The following CEP85 variants were observed in gnomAD, a reference collection of about 807,000 sequenced individuals.
The protein encoded by CEP85 is centrosomal protein 85.
A neutral mutation model predicts 93.7 loss-of-function variants in CEP85; 58 were observed. The observed-to-expected ratio is 0.62, with a 90% CI of 0.50 to 0.77. The LOEUF (loss-of-function observed/expected upper bound fraction) is 0.77, where lower values mean the gene tolerates loss of function less well. Among genes scored for constraint, CEP85 ranks in the 30% least tolerant of loss-of-function variants. The pLI is 0.00. For synonymous variants in CEP85, 314 were observed against 338.6 expected, an observed-to-expected ratio of 0.93 and a Z score of 0.80; for missense variants, 868 against 922.0, an observed-to-expected ratio of 0.94 and a Z score of 0.76.
At chr1:26,240,012 A>C (rs1197086255) in intron 2 of CEP85, among the ~76,000 whole-genome samples, 174 bp downstream of exon 2, 1 of 152,226 alleles carries the variant, frequency 6.6e-6, no homozygotes, top group African/African-American at 2.4e-5. Flanking sequence ...ACAAGTATTT[A>C]TCTCTTGTGC....
rs2089392542 is a variant in CEP85, at chr1:26,239,806, C to T, written c.23C>T (p.Pro8Leu). The change falls in exon 2 of 14, where the codon CCA (proline) becomes CTA (leucine). Residue 8 changes from proline to leucine, a missense_variant. Coordinates refer to ENST00000451429, the MANE Select transcript of CEP85 (RefSeq NM_001319944.2). Reference sequence around the variant, plus strand: ...TTGATGGCCATGCAGGAGAAATATCCAACTGAGGGGATCTCTCACGTCACT... The same window carrying T: ...TTGATGGCCATGCAGGAGAAATATCTAACTGAGGGGATCTCTCACGTCACT... MAMQEKY[P>L]TEGISHVTSP... 1 of 1,613,614 alleles carries T rather than the reference C, an allele frequency of 6.2e-7. No homozygotes were observed. The highest frequency in any genetic ancestry group is 8.5e-7 in the Non-Finnish European group (1 of 1,179,612).
In CEP85 at chr1:26,278,592, A is replaced by AG. The variant is rs1440896693; in HGVS notation, c.*1300dup. ...GGAGTGACTTATCCCTTCCATTCAG[A>AG]GCAGCCCCACCCAGCCAGCCCTTCA... On this transcript the variant is annotated 3_prime_UTR_variant, in exon 14 of 14. Coordinates refer to ENST00000451429, the MANE Select transcript of CEP85 (RefSeq NM_001319944.2). 1 of 152,632 alleles carries AG rather than the reference A, an allele frequency of 6.6e-6. No homozygotes were observed. Among genetic ancestry groups the AG allele is most frequent in the East Asian group, 1.9e-4 (1 of 5,194 alleles). 9.5% of individuals were successfully genotyped at this position (152,632 alleles called of 1,614,324 possible).
rs368381610 is a variant in CEP85 at position 26,244,237 on chromosome 1, C to T, written c.127C>T (p.Arg43Trp). 34 of 1,613,712 alleles carry T rather than the reference C, an allele frequency of 2.1e-5. No individual in the cohort carries two copies. The highest frequency in any genetic ancestry group is 1.1e-4 in the East Asian group (5 of 44,876). ...GACCCCAGTTATCTCGGAGCCCTTT[C>T]GGAGCCGCTTCAGCCGCTGTTCAAG... ...WQTPVISEPF[R>W]SRFSRCSSVA... is the part of the protein sequence containing the mutation. The change falls in exon 3 of 14, where the codon CGG becomes TGG. Residue 43 changes from arginine (R) to tryptophan (W), a missense_variant. Coordinates refer to ENST00000451429, the MANE Select transcript of CEP85 (RefSeq NM_001319944.2).
intron 3 of CEP85, among the ~76,000 whole-genome samples, chr1:26,251,073 G>C (rs1046381542): frequency 4.7e-5 from 7 of 150,450 alleles, no homozygotes; most frequent in African/African-American, 1.7e-4. Flanking sequence ...CTCCCGAGTA[G>C]CTGGGATTAC....
intron 7 of CEP85, among the ~76,000 whole-genome samples, chr1:26,261,285 C>A (rs946501156): frequency 6.6e-6 from 1 of 151,596 alleles, no homozygotes; most frequent in African/African-American, 2.4e-5. Flanking sequence ...CCAGCCTGAC[C>A]AACATGGAGA....
chr1:26,259,373 G>A (rs2089771374), intron 6 of CEP85, among the ~76,000 whole-genome samples: 2 of 152,148 alleles, frequency 1.3e-5, no homozygotes, highest in Admixed American at 1.3e-4. Flanking sequence ...ACAGATTATT[G>A]GGACCCATCC....
At chr1:26,272,612 A>G (rs942590960) in intron 11 of CEP85, among the ~76,000 whole-genome samples, 4 of 142,584 alleles carry the variant, frequency 2.8e-5, no homozygotes, top group African/African-American at 8.1e-5. Flanking sequence ...GGCATCTATT[A>G]CAGCATTTTT....
At chr1:26,268,669 C>T in intron 8 of CEP85, 34 bp downstream of exon 8, 1 of 1,563,166 alleles carries the variant, frequency 6.4e-7, no homozygotes, top group Non-Finnish European at 8.6e-7. Context: ...CTGGGGTGAT[C>T]AGGGAGTGGC....
Position 26,276,622 on chromosome 1 carries a change from C to T in CEP85, c.1990C>T (p.Pro664Ser). 6.2e-7 allele frequency: 1 copy of T among 1,614,236 alleles called. No individual in the cohort carries two copies. Among genetic ancestry groups the T allele is most frequent in the Non-Finnish European group, 8.5e-7 (1 of 1,180,034 alleles). Residue 664 changes from proline (P) to serine (S), a missense_variant, in exon 13 of 14, where the codon CCA becomes TCA. Pro to Ser is a moderately conservative substitution (Grantham distance 74). Coordinates refer to ENST00000451429, the MANE Select transcript of CEP85 (RefSeq NM_001319944.2). Reference sequence around the variant, plus strand: ...GGCCCAACCAGGGTCTCCACCTTCACCAGACACGGCCCAGCTGGCACTTGA... The same window carrying T: ...GGCCCAACCAGGGTCTCCACCTTCATCAGACACGGCCCAGCTGGCACTTGA... ...RQAQPGSPPS[P>S]DTAQLALELH...
In CEP85 at chr1:26,268,534, G is replaced by C. The variant is rs1348946419; in HGVS notation, c.1393G>C (p.Glu465Gln). ...INNLKKKCQKESEQNREKQQR... is the reference protein window; with the variant it reads ...INNLKKKCQKQSEQNREKQQR... ...TAATTTGAAAAAGAAATGCCAGAAG[G>C]AATCAGAGCAGAACCGGGAGAAGCA... Residue 465 changes from glutamate to glutamine, a missense_variant, in exon 8 of 14, where the codon GAA becomes CAA. Glu to Gln is a conservative substitution (Grantham distance 29, BLOSUM62 2). Coordinates refer to ENST00000451429, the MANE Select transcript of CEP85 (RefSeq NM_001319944.2). The C allele has an allele frequency of 1.2e-6, 2 of 1,614,090 alleles. No homozygotes were observed. The highest frequency in any genetic ancestry group is 1.7e-5 in the Admixed American group (1 of 60,010).
At chr1:26,272,158 TGCAG>T in intron 11 of CEP85, 87 bp downstream of exon 11, 1 of 1,345,062 alleles carries the variant, frequency 7.4e-7, no homozygotes, top group South Asian at 1.2e-5. Flanking sequence ...TTCTCTGCCA[TGCAG>T]GTTGCTCAGT....
intron 2 of CEP85, 92 bp from the exon 3 acceptor site, chr1:26,244,074 T>G: frequency 1.7e-6 from 2 of 1,179,022 alleles, no homozygotes; most frequent in East Asian, 2.6e-5. Context: ...GTTGCTGCTA[T>G]TCTCTTAGGT....
intron 2 of CEP85, among the ~76,000 whole-genome samples, chr1:26,241,244 A>ATTTTTTTTTTTTTTTTTTTT (rs71004567): frequency 9.2e-6 from 1 of 109,286 alleles, no homozygotes; most frequent in Non-Finnish European, 1.8e-5. Context: ...ATTCAGCAGA[A>ATTTTTTTTTTTTTTTTTTTT]TTTTTTTTTT....
intron 9 of CEP85, among the ~76,000 whole-genome samples, chr1:26,270,215 A>G (rs762884082): frequency 8.5e-5 from 13 of 152,172 alleles, no homozygotes; most frequent in Non-Finnish European, 1.6e-4. Flanking sequence ...CACTTTGTAA[A>G]CTGGGAAATG....
chr1:26,259,706 ACTCT>A lies in CEP85; in HGVS notation c.1248_1251del (p.Ser417LeufsTer24). 6.2e-7 allele frequency: 1 copy of A among 1,614,084 alleles called. No individual in the cohort carries two copies. The highest frequency in any genetic ancestry group is 1.3e-5 in the African/African-American group (1 of 75,030). ...GAGAAAAGATTGACCTTGAAAAGAA[ACTCT>A]CTGCTTCTGAAGTTGAAGTCCAGCT... On this transcript the variant is annotated frameshift_variant, in exon 7 of 14. Coordinates refer to ENST00000451429, the MANE Select transcript of CEP85 (RefSeq NM_001319944.2). LOFTEE classifies it high-confidence loss of function.
rs200013295 is a variant in CEP85, at chr1:26,260,794, C to CT, written c.1341+1006dup. On this transcript the variant is annotated intron_variant, in intron 7 of 13. Coordinates refer to ENST00000451429, the MANE Select transcript of CEP85 (RefSeq NM_001319944.2). ...GGAGGAAGCCTGAGATCCTGCCTTT[C>CT]TTTTTTTTTTTTTTGAGATGGAATT... Among the ~76,000 whole-genome samples the CT allele has an allele frequency of 6.3e-3, 884 of 141,342 alleles. 2 individuals carry two copies. Among genetic ancestry groups the CT allele is most frequent in the East Asian group, 0.017 (83 of 4,862 alleles). The allele number at this position is 141,342 out of a possible 152,430, so 92.7% of individuals were successfully genotyped here. A position where few individuals can be genotyped will look rare whatever the true frequency, so the allele number is the denominator to read the frequency against.
At chr1:26,250,441 G>A (rs537954122) in intron 3 of CEP85, among the ~76,000 whole-genome samples, 3 of 152,202 alleles carry the variant, frequency 2.0e-5, no homozygotes, top group East Asian at 1.9e-4. Flanking sequence ...CCCAACCATC[G>A]TCTGTGGAAA....
At position 26,255,189 on chromosome 1, in the gene CEP85, G is replaced by A. The variant is rs1317039590; in HGVS notation, c.227G>A (p.Gly76Asp). The change falls in exon 4 of 14, where the codon GGC (glycine) becomes GAC (aspartate). Residue 76 changes from glycine (G) to aspartate (D), a missense_variant. Physicochemically the swap from Gly to Asp is moderately conservative, Grantham distance 94 (BLOSUM62 -1). Coordinates refer to ENST00000451429, the MANE Select transcript of CEP85 (RefSeq NM_001319944.2). Reference sequence around the variant, plus strand: ...TCCCCAGATTTTTGCAGCTCAAGTGGCAGTCCTCCTTTCCAGCCCATCAAA... The same window carrying A: ...TCCCCAGATTTTTGCAGCTCAAGTGACAGTCCTCCTTTCCAGCCCATCAAA... ...DIAEDFCSSSGSPPFQPIKSH... is the reference protein window; with the variant it reads ...DIAEDFCSSSDSPPFQPIKSH... 1.9e-6 allele frequency: 3 copies of A among 1,613,150 alleles called. No homozygotes were observed. The highest frequency in any genetic ancestry group is 2.5e-6 in the Non-Finnish European group (3 of 1,179,400).
At chr1:26,264,081 A>G (rs1046037285) in intron 7 of CEP85, among the ~76,000 whole-genome samples, 1 of 152,042 alleles carries the variant, frequency 6.6e-6, no homozygotes, top group African/African-American at 2.4e-5. Context: ...TTTTTGTTTC[A>G]TGGGTACAGT....
Sources: allele counts gnomAD v4.1 joint callset (sites outside exome capture counted in the v4.1 genomes callset), GRCh38; gene constraint gnomAD v4.1.1; transcripts MANE v1.5; gene names NCBI Gene and HGNC (gene_info 2026-07-23, HGNC 2026-07-21).